Variants in ATP8A2 observed in about 807,000 individuals in gnomAD.
The protein encoded by ATP8A2 is phospholipid-transporting ATPase IB.
Under a neutral mutation model 165.6 loss-of-function variants are expected in ATP8A2, and 100 were observed. That is an observed-to-expected ratio of 0.60 (90% confidence interval 0.51 to 0.71). The LOEUF is 0.71. Among genes scored for constraint, ATP8A2 ranks in the 30% least tolerant of loss-of-function variants. The probability of loss-of-function intolerance (pLI) is 0.00; values close to 1 mark genes in which losing one functional copy is unlikely to be tolerated. For synonymous variants in ATP8A2, 543 were observed against 548.8 expected, an observed-to-expected ratio of 0.99 and a Z score of 0.15; for missense variants, 1,227 against 1,479.5, an observed-to-expected ratio of 0.83 and a Z score of 2.80.
At chr13:25,591,319 C>T (rs915148464) in intron 24 of ATP8A2, 1 of 456,568 alleles carries the variant, frequency 2.2e-6, no homozygotes, top group Non-Finnish European at 4.4e-6. Context: ...CATTCCCACA[C>T]CTACCTCATC....
In ATP8A2 at chr13:25,537,984, C is replaced by A. The variant is rs2038342925; in HGVS notation, c.508-4C>A. 1 of 1,611,316 alleles carries A rather than the reference C, an allele frequency of 6.2e-7. No individual in the cohort carries two copies. The highest frequency in any genetic ancestry group is 1.1e-5 in the South Asian group (1 of 90,948). ...CCCCTCTGTCCTCATCCCTGTCTCT[C>A]TAGGTGGCAGTGGGAGACATTGTGA... On this transcript the variant is annotated splice_region_variant and splice_polypyrimidine_tract_variant and intron_variant, in intron 6 of 36. Transcript: ENST00000381655.
chr13:25,694,123 C>T (rs925580631), intron 24 of ATP8A2, among the ~76,000 whole-genome samples: 1 of 151,726 alleles, frequency 6.6e-6, no homozygotes, highest in Non-Finnish European at 1.5e-5. Context: ...GGAAGAAGAA[C>T]CATGTATTGG....
intron 24 of ATP8A2, among the ~76,000 whole-genome samples, chr13:25,697,729 C>CT (rs1166299535): frequency 6.6e-6 from 1 of 152,150 alleles, no homozygotes. Context: ...TTTTTAGCTC[C>CT]TTTTTACACA....
chr13:25,448,570 A>G (rs969324117), intron 1 of ATP8A2, among the ~76,000 whole-genome samples: 10 of 152,200 alleles, frequency 6.6e-5, no homozygotes, highest in Non-Finnish European at 1.3e-4. Flanking sequence ...TTCCAAGTTT[A>G]TTACATATTC....
intron 1 of ATP8A2, among the ~76,000 whole-genome samples, chr13:25,400,927 T>C (rs572939313): frequency 2.0e-5 from 3 of 152,220 alleles, no homozygotes; most frequent in Non-Finnish European, 4.4e-5. Context: ...AGGAAGGATG[T>C]ATTATGCATG....
At chr13:25,435,190 G>A (rs1359596258) in intron 1 of ATP8A2, among the ~76,000 whole-genome samples, 2 of 149,892 alleles carry the variant, frequency 1.3e-5, no homozygotes, top group Admixed American at 6.7e-5. Context: ...GCGCGATCTC[G>A]GCTCACTGCA....
At chr13:25,593,761 AT>A (rs1223408303) in intron 24 of ATP8A2, among the ~76,000 whole-genome samples, 3 of 152,204 alleles carry the variant, frequency 2.0e-5, no homozygotes, top group African/African-American at 7.2e-5. Context: ...CTTTTAGCCA[AT>A]TGTGAAATAT....
At chr13:25,643,098 G>T (rs570539618) in intron 24 of ATP8A2, among the ~76,000 whole-genome samples, 1 of 152,118 alleles carries the variant, frequency 6.6e-6, no homozygotes, top group Non-Finnish European at 1.5e-5. Context: ...AGCATTAGGA[G>T]ATATACCTAA....
intron 33 of ATP8A2, among the ~76,000 whole-genome samples, chr13:25,903,376 C>G (rs1337840645): frequency 6.6e-6 from 1 of 152,116 alleles, no homozygotes. Context: ...TCTTTCCCTT[C>G]ACCTCAATCT....
At chr13:25,691,493 G>A (rs9553646) in intron 24 of ATP8A2, among the ~76,000 whole-genome samples, 19,166 of 152,232 alleles carry the variant, frequency 0.13, 1,377 homozygotes, top group Admixed American at 0.2. Context: ...AACATTTTGT[G>A]GGAGGTAGGG....
At chr13:25,806,256 C>T (rs886737310) in intron 27 of ATP8A2, among the ~76,000 whole-genome samples, 7 of 152,094 alleles carry the variant, frequency 4.6e-5, no homozygotes, top group Admixed American at 1.3e-4. Context: ...TTCATTTGTG[C>T]AAGCGTATTT....
chr13:25,711,898 G>A (rs1472504953), intron 25 of ATP8A2, among the ~76,000 whole-genome samples: 1 of 152,160 alleles, frequency 6.6e-6, no homozygotes, highest in African/African-American at 2.4e-5. Context: ...TCCTGGAGGA[G>A]GAGTTCATTT....
At chr13:25,579,698 A>C (rs559361269) in intron 21 of ATP8A2, 110 bp from the exon 22 acceptor site, 2 of 1,244,612 alleles carry the variant, frequency 1.6e-6, no homozygotes, top group South Asian at 2.7e-5. Flanking sequence ...GACCTAAAGC[A>C]CAGAGTCTCT....
At chr13:25,457,863 G>A (rs577982836) in intron 1 of ATP8A2, among the ~76,000 whole-genome samples, 2 of 152,316 alleles carry the variant, frequency 1.3e-5, no homozygotes, top group African/African-American at 4.8e-5. Context: ...ATCCTACTGG[G>A]GAAGTCTATT....
chr13:25,578,344 G>T (rs1341640312), intron 20 of ATP8A2, among the ~76,000 whole-genome samples: 1 of 152,198 alleles, frequency 6.6e-6, no homozygotes, highest in African/African-American at 2.4e-5. Context: ...CAGATGGGCT[G>T]TGCACCTGTG....
At chr13:25,973,833 G>A (rs966709893) in intron 35 of ATP8A2, among the ~76,000 whole-genome samples, 1 of 152,160 alleles carries the variant, frequency 6.6e-6, no homozygotes, top group East Asian at 1.9e-4. Flanking sequence ...TCAGGAAATC[G>A]GTTTTTTCAC....
At position 25,968,645 on chromosome 13, in the gene ATP8A2, G is replaced by A; in HGVS notation, c.3343G>A (p.Gly1115Arg). ...QELETKSRVL[G>R]KAVLRDSNGK... ...GCTGGAAACCAAGTCTCGAGTCCTGGGAAAAGCGGTGCTGCGGGATAGCAA... is the reference window on the plus strand; with the variant it reads ...GCTGGAAACCAAGTCTCGAGTCCTGAGAAAAGCGGTGCTGCGGGATAGCAA... The change falls in exon 35 of 37, where the codon GGA (glycine) becomes AGA (arginine). Residue 1115 changes from glycine (G) to arginine (R), a missense_variant. Coordinates refer to ENST00000381655, the MANE Select transcript of ATP8A2 (RefSeq NM_016529.6). The A allele has an allele frequency of 6.2e-7, 1 of 1,613,768 alleles. No homozygotes were observed. The highest frequency in any genetic ancestry group is 8.5e-7 in the Non-Finnish European group (1 of 1,179,976).
intron 24 of ATP8A2, among the ~76,000 whole-genome samples, chr13:25,695,959 C>G (rs752056337): frequency 1.3e-5 from 2 of 152,166 alleles, no homozygotes; most frequent in Non-Finnish European, 2.9e-5. Context: ...TTGCCCAGAC[C>G]CATCAGAGGA....
At chr13:25,713,925 GTT>G (rs1244226774) in intron 25 of ATP8A2, among the ~76,000 whole-genome samples, 2 of 152,148 alleles carry the variant, frequency 1.3e-5, no homozygotes, top group Admixed American at 6.5e-5. Context: ...AGACTGTACA[GTT>G]ATGAATTAGA....
Sources: gnomAD v4.1 joint callset for allele counts (sites outside exome capture counted in the v4.1 genomes callset) on GRCh38, gnomAD v4.1.1 for gene constraint, MANE v1.5 for transcripts, NCBI Gene and HGNC (gene_info 2026-07-23, HGNC 2026-07-21) for gene names.